KBTBD3: variants seen among roughly 807,000 people sequenced by gnomAD.
KBTBD3 encodes kelch repeat and BTB domain containing 3.
Under a neutral mutation model 49.6 loss-of-function variants are expected in KBTBD3, and 38 were observed. That is an observed-to-expected ratio of 0.77 (90% CI 0.59 to 1.00). KBTBD3 has a LOEUF of 1.00. Among genes scored for constraint, KBTBD3 ranks in the 50% least tolerant of loss-of-function variants. KBTBD3 has a pLI of 0.00. For synonymous variants in KBTBD3, 214 were observed against 250.4 expected, an observed-to-expected ratio of 0.85 and a Z score of 1.37; for missense variants, 661 against 712.0, an observed-to-expected ratio of 0.93 and a Z score of 0.81.
chr11:106,074,112 A>AC (rs1555076699), intron 2 of KBTBD3, among the ~76,000 whole-genome samples: 1,007 of 73,754 alleles, frequency 0.014, 10 homozygotes, highest in African/African-American at 0.027. Context: ...AATGCCGAAC[A>AC]CCCCCCCCCA....
At chr11:106,075,344 TA>T (rs1488668986) in intron 2 of KBTBD3, among the ~76,000 whole-genome samples, 36 of 152,210 alleles carry the variant, frequency 2.4e-4, no homozygotes, top group African/African-American at 8.4e-4. Flanking sequence ...AGATAGAATA[TA>T]AAAAGCAGTG....
chr11:106,065,442 A>G (rs568579931), intron 2 of KBTBD3, among the ~76,000 whole-genome samples: 6 of 152,210 alleles, frequency 3.9e-5, no homozygotes, highest in African/African-American at 1.4e-4. Context: ...AGCAAGGTAT[A>G]TGGTTGAGGA....
chr11:106,069,445 T>C (rs575901017), intron 2 of KBTBD3, among the ~76,000 whole-genome samples: 7 of 151,532 alleles, frequency 4.6e-5, no homozygotes, highest in African/African-American at 1.7e-4. Context: ...TATTTCTATA[T>C]ACCAGCAATA....
At position 106,053,850 on chromosome 11, in the gene KBTBD3, C is replaced by G; in HGVS notation, c.839G>C (p.Gly280Ala). The change falls in exon 4 of 4, where the codon GGT becomes GCT. Residue 280 changes from glycine (G) to alanine (A), a missense_variant. Transcript: ENST00000531837. ...IIMDAIKCVQGSGGLFPDARP... is the reference protein window; with the variant it reads ...IIMDAIKCVQASGGLFPDARP... ...AGCATCAGGGAAGAGTCCACCAGAA[C>G]CTTGCACACACTTAATTGCATCCAT... is the stretch of plus-strand genomic sequence containing the variant. The G allele has an allele frequency of 6.2e-7, 1 of 1,613,954 alleles. No individual in the cohort carries two copies. Among genetic ancestry groups the G allele is most frequent in the Non-Finnish European group, 8.5e-7 (1 of 1,179,922 alleles).
intron 2 of KBTBD3, among the ~76,000 whole-genome samples, chr11:106,065,805 AC>A (rs1860798600): frequency 6.6e-6 from 1 of 152,076 alleles, no homozygotes; most frequent in African/African-American, 2.4e-5. Context: ...TACTAAAAAT[AC>A]AAAAATTAGC....
At chr11:106,057,482 C>T (rs1055734794) in intron 3 of KBTBD3, 1 of 152,152 alleles carries the variant, frequency 6.6e-6, no homozygotes, top group Non-Finnish European at 1.5e-5. Context: ...ATCAGGGTTT[C>T]ACCAAAAGGG....
intron 2 of KBTBD3, among the ~76,000 whole-genome samples, chr11:106,061,839 T>C (rs1860701598): frequency 6.6e-6 from 1 of 151,780 alleles, no homozygotes; most frequent in African/African-American, 2.4e-5. Flanking sequence ...CCTATACATA[T>C]GTATAGTACA....
At chr11:106,058,480 G>A (rs11600822) in intron 3 of KBTBD3, among the ~76,000 whole-genome samples, 3 of 151,622 alleles carry the variant, frequency 2.0e-5, no homozygotes, top group South Asian at 2.1e-4. Context: ...GCTGGAGTGC[G>A]GTGGCGCGAT....
At chr11:106,073,309 C>A (rs1300769601) in intron 2 of KBTBD3, among the ~76,000 whole-genome samples, 8 of 142,224 alleles carry the variant, frequency 5.6e-5, no homozygotes, top group Non-Finnish European at 7.6e-5. Flanking sequence ...ACTATGTTAC[C>A]CAAGTTGGTC....
At chr11:106,063,845 C>T (rs540148649) in intron 2 of KBTBD3, among the ~76,000 whole-genome samples, 13 of 152,128 alleles carry the variant, frequency 8.5e-5, no homozygotes, top group African/African-American at 2.9e-4. Flanking sequence ...GCAGGAGAAT[C>T]GCTTGAACCC....
chr11:106,073,770 T>C (rs7122457), intron 2 of KBTBD3, among the ~76,000 whole-genome samples: 143,662 of 152,240 alleles, frequency 0.94, 68,271 homozygotes, highest in Non-Finnish European at 1. Context: ...GGAAGAGGGT[T>C]AGGAGATAGG....
chr11:106,068,005 G>C (rs1860841184), intron 2 of KBTBD3, among the ~76,000 whole-genome samples: 2 of 151,316 alleles, frequency 1.3e-5, no homozygotes, highest in South Asian at 4.2e-4. Context: ...TAGACTTGAG[G>C]AAGGGAAAGG....
chr11:106,056,676 A>G (rs989516464), intron 3 of KBTBD3, among the ~76,000 whole-genome samples: 2 of 152,200 alleles, frequency 1.3e-5, no homozygotes, highest in African/African-American at 4.8e-5. Flanking sequence ...CATTTTTATA[A>G]TCCTACTTTT....
rs879089973 is a variant in KBTBD3, at chr11:106,053,634, C to T, written c.1055G>A (p.Gly352Glu). ...CAGTCGAACCGTTCGACAACATTTC[C>T]CTTTGCAACCACCTGTCAAGAATAT... ...EKIFLTGGCK[G>E]KCCRTVRLHI... Residue 352 changes from glycine (G) to glutamate (E), a missense_variant, in exon 4 of 4, where the codon GGG becomes GAG. Gly to Glu is a moderately conservative substitution (Grantham distance 98). Transcript: ENST00000531837. The T allele has an allele frequency of 6.2e-7, 1 of 1,613,872 alleles. No homozygotes were observed.
chr11:106,063,642 T>G (rs1213965082), intron 2 of KBTBD3, among the ~76,000 whole-genome samples: 1 of 152,192 alleles, frequency 6.6e-6, no homozygotes, highest in East Asian at 1.9e-4. Context: ...TTTTAAAAAA[T>G]ACATAATTGG....
In KBTBD3 at chr11:106,072,818, C is replaced by T. The variant is rs115507830; in HGVS notation, c.-13+3689G>A. Among the ~76,000 whole-genome samples, 623 of 152,076 alleles carry T rather than the reference C, an allele frequency of 4.1e-3. 7 individuals are homozygous for T. The highest frequency in any genetic ancestry group is 0.014 in the African/African-American group (591 of 41,470). On this transcript the variant is annotated intron_variant, in intron 2 of 3. Transcript: ENST00000531837. ...TTTTAGTAAATATTTATTATAGATGCTAAGTATATGACAAGCACCGAATTA... is the reference window on the plus strand; with the variant it reads ...TTTTAGTAAATATTTATTATAGATGTTAAGTATATGACAAGCACCGAATTA...
intron 3 of KBTBD3, chr11:106,057,799 T>C (rs1860585526): frequency 2.8e-6 from 1 of 352,864 alleles, no homozygotes; most frequent in Non-Finnish European, 5.0e-6. Flanking sequence ...GGATAAATTT[T>C]TAAATCGGTT....
intron 2 of KBTBD3, among the ~76,000 whole-genome samples, chr11:106,071,926 A>T (rs1860925088): frequency 6.6e-6 from 1 of 152,168 alleles, no homozygotes; most frequent in African/African-American, 2.4e-5. Context: ...TTAACAGTTA[A>T]ACAATTCTCA....
At chr11:106,064,133 C>A (rs981359667) in intron 2 of KBTBD3, among the ~76,000 whole-genome samples, 1 of 152,030 alleles carries the variant, frequency 6.6e-6, no homozygotes, top group Non-Finnish European at 1.5e-5. Context: ...TGAACACAAG[C>A]GCTATCATTG....
Sources: allele counts gnomAD v4.1 joint callset (sites outside exome capture counted in the v4.1 genomes callset), GRCh38; gene constraint gnomAD v4.1.1; transcripts MANE v1.5; gene names NCBI Gene and HGNC (gene_info 2026-07-23, HGNC 2026-07-21).